The following MYO1C variants were observed in gnomAD, a reference collection of about 807,000 sequenced individuals.
MYO1C encodes myosin IC.
In MYO1C, 104 loss-of-function variants were observed where a neutral mutation model predicts 150.8. The observed-to-expected ratio is 0.69, with a 90% confidence interval of 0.59 to 0.81. The LOEUF is 0.81. Ranked by LOEUF, MYO1C falls within the 30% of genes least tolerant of loss-of-function variation. The pLI is 0.00. For missense variants in MYO1C, 1,504 were observed against 1,435.0 expected (o/e 1.05, Z -0.78); for synonymous variants, 663 against 579.9 (o/e 1.14, Z -2.06).
intron 14 of MYO1C, among the ~76,000 whole-genome samples, chr17:1,475,548 G>A (rs1009367305): frequency 3.4e-4 from 51 of 152,228 alleles, no homozygotes; most frequent in African/African-American, 1.2e-3. Flanking sequence ...GCCTCCTGAC[G>A]GCCAGGGTAC....
chr17:1,492,345 T>C lies in MYO1C; in HGVS notation c.75+68A>G. 4 of 1,504,324 alleles carry C rather than the reference T, an allele frequency of 2.7e-6. No individual in the cohort carries two copies. The South Asian group carries it at 4.8e-5, about 18-fold the overall frequency. The allele number at this position is 1,504,324 out of a possible 1,614,324, so 93.2% of individuals were successfully genotyped here. On this transcript the variant is annotated intron_variant, in intron 1 of 31. Coordinates refer to ENST00000648651, the MANE Select transcript of MYO1C (RefSeq NM_001080779.2). ...CTCAGCTCTTGCCCGAGGGCTCGCC[T>C]GAGAGGGGCTGCCCGGCCTTGGGGA...
chr17:1,465,621 G>A lies in MYO1C; in HGVS notation c.*105C>T. 8.4e-7 allele frequency: 1 copy of A among 1,183,450 alleles called. No individual in the cohort carries two copies. Among genetic ancestry groups the A allele is most frequent in the Non-Finnish European group, 1.1e-6 (1 of 898,354 alleles). 73.3% of individuals were successfully genotyped at this position (1,183,450 alleles called of 1,614,324 possible). A position where few individuals can be genotyped will look rare whatever the true frequency, so the allele number is the denominator to read the frequency against. ...TGGGAGATTGCAGGTGGGCTTCGGG[G>A]TGTCCCTGGGTCCCTGTCTGGAAGT... is the stretch of plus-strand genomic sequence containing the variant. On this transcript the variant is annotated 3_prime_UTR_variant, in exon 32 of 32. Coordinates refer to ENST00000648651, the MANE Select transcript of MYO1C (RefSeq NM_001080779.2).
chr17:1,480,487 T>A, intron 7 of MYO1C, 40 bp downstream of exon 7: 2 of 1,492,424 alleles, frequency 1.3e-6, no homozygotes, highest in Non-Finnish European at 1.9e-6. Context: ...ATTTTGGGGG[T>A]GTGACAGGAG....
chr17:1,473,063 G>A (rs1444794676), intron 17 of MYO1C, among the ~76,000 whole-genome samples: 1 of 152,346 alleles, frequency 6.6e-6, no homozygotes, highest in Non-Finnish European at 1.5e-5. Flanking sequence ...AGCCGGGCAC[G>A]ATGGCGGGTA....
At chr17:1,477,334 T>A (rs1385013523) in intron 14 of MYO1C, 171 bp downstream of exon 14, 1 of 664,112 alleles carries the variant, frequency 1.5e-6, no homozygotes, top group African/African-American at 1.8e-5. Flanking sequence ...CGTGTCAGCA[T>A]GCCTGGCTAA....
intron 1 of MYO1C, chr17:1,485,306 G>T: frequency 9.0e-7 from 1 of 1,106,876 alleles, no homozygotes; most frequent in Non-Finnish European, 1.1e-6. Context: ...GATTGGGGGT[G>T]GATCCCAAAG....
At position 1,492,406 on chromosome 17, in the gene MYO1C, A is replaced by G; in HGVS notation, c.75+7T>C. The G allele has an allele frequency of 6.2e-7, 1 of 1,600,436 alleles. No homozygotes were observed. ...CCCTCCTCCCAGCCCAGAGCATCCC[A>G]GCTTACAAGCTTGCAGGGCCTGTGG... On this transcript the variant is annotated splice_region_variant and intron_variant, in intron 1 of 31. Coordinates refer to ENST00000648651, the MANE Select transcript of MYO1C (RefSeq NM_001080779.2).
intron 14 of MYO1C, among the ~76,000 whole-genome samples, chr17:1,476,499 T>C (rs1186884580): frequency 6.6e-6 from 1 of 152,076 alleles, no homozygotes; most frequent in Non-Finnish European, 1.5e-5. Flanking sequence ...AATATATTAT[T>C]ATGCAAAAAA....
At position 1,479,456 on chromosome 17, in the gene MYO1C, CTG is replaced by C; in HGVS notation, c.1065_1066del (p.His355GlnfsTer71). ...CTCCTCCCCCTTGGCGATGATCTTC[CTG>C]TGTGTCAGGGCTTCTCGCAGCGTCG... is the stretch of plus-strand genomic sequence containing the variant. On this transcript the variant is annotated frameshift_variant, in exon 9 of 32. Transcript: ENST00000648651. LOFTEE classifies it high-confidence loss of function. The surrounding 1 kb of genome is among the most constrained non-coding windows in gnomAD (Gnocchi z 4.2). 6.6e-7 allele frequency: 1 copy of C among 1,506,298 alleles called. No individual in the cohort carries two copies. The allele number at this position is 1,506,298 out of a possible 1,614,324, so 93.3% of individuals were successfully genotyped here.
rs76101090 is a variant in MYO1C, at chr17:1,475,396, A to G, written c.1575-364T>C. Among the ~76,000 whole-genome samples the G allele has an allele frequency of 1.8e-3, 268 of 151,982 alleles. 1 individual carries two copies. Among genetic ancestry groups the G allele is most frequent in the African/African-American group, 6.3e-3 (262 of 41,456 alleles). On this transcript the variant is annotated intron_variant, in intron 14 of 31. Transcript: ENST00000648651. ...ATGGTGCCACTACACTCCAAAAAAA[A>G]AAGAGCAGGTGCACCCCCAGGGCTG... is the stretch of plus-strand genomic sequence containing the variant.
At position 1,467,877 on chromosome 17, in the gene MYO1C, A is replaced by G; in HGVS notation, c.2930T>C (p.Phe977Ser). 2 of 1,610,188 alleles carry G rather than the reference A, an allele frequency of 1.2e-6. No individual in the cohort carries two copies. Among genetic ancestry groups the G allele is most frequent in the Non-Finnish European group, 1.7e-6 (2 of 1,179,240 alleles). ...ISVSSLSDSLFVLHVQRADNK... is the reference protein window; with the variant it reads ...ISVSSLSDSLSVLHVQRADNK... ...GTCCGCACGCTGTACATGAAGCACA[A>G]AAAGACTGTCGCTCAGGCTGCTGAC... Residue 977 changes from phenylalanine to serine, a missense_variant, in exon 29 of 32, where the codon TTT becomes TCT. Phe to Ser is a radical substitution (Grantham distance 155, BLOSUM62 -2). Coordinates refer to ENST00000648651, the MANE Select transcript of MYO1C (RefSeq NM_001080779.2).
rs539030364 is a variant in MYO1C at position 1,477,348 on chromosome 17, T to A, written c.1574+157A>T. Reference sequence around the variant, plus strand: ...GCGTGTCAGCATGCCTGGCTAAGCTTCTTAGTTTCTGGACACATGTGAGGG... The same window carrying A: ...GCGTGTCAGCATGCCTGGCTAAGCTACTTAGTTTCTGGACACATGTGAGGG... On this transcript the variant is annotated intron_variant, in intron 14 of 31. Coordinates refer to ENST00000648651, the MANE Select transcript of MYO1C (RefSeq NM_001080779.2). The A allele has an allele frequency of 7.2e-4, 503 of 696,908 alleles. 8 individuals carry two copies. The South Asian group carries it at 7.7e-3, about 11-fold the overall frequency. The allele number at this position is 696,908 out of a possible 1,614,324, so 43.2% of individuals were successfully genotyped here.
intron 1 of MYO1C, among the ~76,000 whole-genome samples, chr17:1,489,748 A>G (rs965077521): frequency 2.6e-5 from 4 of 152,010 alleles, no homozygotes; most frequent in African/African-American, 9.7e-5. Context: ...GAAAAAAAAA[A>G]GTAAACGGCC....
intron 21 of MYO1C, 171 bp from the exon 22 acceptor site, chr17:1,470,860 G>A (rs761527408): frequency 9.9e-5 from 91 of 916,146 alleles, no homozygotes; most frequent in East Asian, 2.4e-4. Context: ...AAAGGGGGGC[G>A]GCGGGTGGGA....
chr17:1,484,000 C>T (rs2074595542), intron 2 of MYO1C, 148 bp downstream of exon 2: 1 of 1,023,342 alleles, frequency 9.8e-7, no homozygotes, highest in South Asian at 1.5e-5. Context: ...TGAGATCGCG[C>T]CACTGCACTC....
At position 1,480,590 on chromosome 17, in the gene MYO1C, C is replaced by A. The variant is rs774390905; in HGVS notation, c.843G>T (p.Lys281Asn). The change falls in exon 7 of 32, where the codon AAG (lysine) becomes AAT (asparagine). Residue 281 changes from lysine (K) to asparagine (N), a missense_variant. Lys to Asn is a moderately conservative substitution (Grantham distance 94). Coordinates refer to ENST00000648651, the MANE Select transcript of MYO1C (RefSeq NM_001080779.2). ...QCAKVSSIND[K>N]SDWKVVRKAL... ...CCTTCCTGACGACCTTCCAGTCACT[C>A]TTGTCGTTGATGGAGGAGACTTTGG... The A allele has an allele frequency of 3.3e-5, 54 of 1,614,056 alleles. No individual in the cohort carries two copies. The Admixed American group carries it at 8.8e-4, about 26-fold the overall frequency.
chr17:1,478,672 A>G lies in MYO1C; in HGVS notation c.1156T>C (p.Tyr386His). ...YARDALAKAV[Y>H]SRTFTWLVGK... is the part of the protein sequence containing the mutation. ...ACGAGCCAGGTAAAAGTGCGGCTGT[A>G]CACAGCCTTGGCGAGGGCGTCTCGT... Residue 386 changes from tyrosine (Y) to histidine (H), a missense_variant, in exon 10 of 32, where the codon TAC (tyrosine) becomes CAC (histidine). Physicochemically the swap from Tyr to His is moderately conservative, Grantham distance 83. Coordinates refer to ENST00000648651, the MANE Select transcript of MYO1C (RefSeq NM_001080779.2). The surrounding 1 kb of genome is among the most constrained non-coding windows in gnomAD (Gnocchi z 6.3). 1.2e-6 allele frequency: 2 copies of G among 1,614,170 alleles called. No homozygotes were observed. The highest frequency in any genetic ancestry group is 2.2e-5 in the East Asian group (1 of 44,882).
chr17:1,485,873 G>T, intron 1 of MYO1C: 2 of 250,122 alleles, frequency 8.0e-6, no homozygotes, highest in African/African-American at 2.3e-5. Flanking sequence ...CTCCCGCGCG[G>T]CCGGGCTGGG....
rs556211507 is a variant in MYO1C at position 1,481,919 on chromosome 17, C to T, written c.627+559G>A. ...GCGGGCCCCTGCTCTCTTCTCTGGC[C>T]GCTGTGGCCTCCGTGCTGTCCTGGA... is the stretch of plus-strand genomic sequence containing the variant. On this transcript the variant is annotated intron_variant, in intron 5 of 31. Coordinates refer to ENST00000648651, the MANE Select transcript of MYO1C (RefSeq NM_001080779.2). Among the ~76,000 whole-genome samples, 42 of 152,254 alleles carry T rather than the reference C, an allele frequency of 2.8e-4. No homozygotes were observed. The East Asian group carries it at 7.1e-3, about 26-fold the overall frequency.
Sources: allele counts gnomAD v4.1 joint callset (sites outside exome capture counted in the v4.1 genomes callset), GRCh38; gene constraint gnomAD v4.1.1; non-coding constraint Gnocchi (gnomAD v3.1); transcripts MANE v1.5; gene names NCBI Gene and HGNC (gene_info 2026-07-23, HGNC 2026-07-21).